Variants in TJAP1 observed in about 807,000 individuals in gnomAD.
TJAP1 encodes the protein tight junction-associated protein 1.
A neutral mutation model predicts 42.0 loss-of-function variants in TJAP1; 27 were observed. That is an observed-to-expected ratio of 0.64 (90% CI 0.47 to 0.89). The LOEUF (loss-of-function observed/expected upper bound fraction) is 0.89. Ranked by LOEUF, TJAP1 falls within the 40% of genes least tolerant of loss-of-function variation. The probability of loss-of-function intolerance (pLI) is 0.00; values close to 1 mark genes in which losing one functional copy is unlikely to be tolerated. For synonymous variants in TJAP1, 257 were observed against 288.4 expected (o/e 0.89, Z 1.10); for missense variants, 712 against 726.9 (o/e 0.98, Z 0.24).
At chr6:43,483,422 C>T (rs1785736816) in intron 2 of TJAP1, among the ~76,000 whole-genome samples, 1 of 152,216 alleles carries the variant, frequency 6.6e-6, no homozygotes, top group Non-Finnish European at 1.5e-5. Context: ...CCCTAAGACC[C>T]AGCTCCTTTG....
chr6:43,503,743 C>T (rs78262217), intron 10 of TJAP1, 37 bp downstream of exon 10: 1 of 1,580,612 alleles, frequency 6.3e-7, no homozygotes, highest in Non-Finnish European at 8.7e-7. Flanking sequence ...CCACATAGAC[C>T]ATTCCGGCCA....
At position 43,501,095 on chromosome 6, in the gene TJAP1, G is replaced by A. The variant is rs1468877482; in HGVS notation, c.128+323G>A. ...CCCTTACAGCCCTTTAGCCACATGA[G>A]GCCTCTGGAGAGGAGGGCAGTGCTG... On this transcript the variant is annotated intron_variant, in intron 5 of 10. Transcript: ENST00000372449. 2.6e-5 allele frequency: 11 copies of A among 430,982 alleles called. No homozygotes were observed. The East Asian group carries it at 3.4e-4, about 13-fold the overall frequency. The allele number at this position is 430,982 out of a possible 1,614,324, so 26.7% of individuals were successfully genotyped here.
At position 43,491,612 on chromosome 6, in the gene TJAP1, A is replaced by G. The variant is rs116405070; in HGVS notation, c.-121-6269A>G. On this transcript the variant is annotated intron_variant, in intron 2 of 10. Coordinates refer to ENST00000372449, the Ensembl canonical transcript of TJAP1. This position sits in a 1 kb window ranked among gnomAD's most constrained non-coding sequence, Gnocchi z 4.6. ...GCCCGATGAGAAATATCTTGATGAA[A>G]ATGCACTACGTCCAATAAATGAATA... 4.8e-3 allele frequency among the ~76,000 whole-genome samples: 738 copies of G among 152,304 alleles called. 5 individuals are homozygous for G. The highest frequency in any genetic ancestry group is 0.016 in the African/African-American group (671 of 41,558).
At chr6:43,490,998 C>G (rs966543942) in intron 2 of TJAP1, among the ~76,000 whole-genome samples, 4 of 152,194 alleles carry the variant, frequency 2.6e-5, no homozygotes, top group African/African-American at 9.7e-5. Context: ...ACAGGTCACT[C>G]TAGATAGACT....
Position 43,491,036 on chromosome 6 carries a change from G to A in TJAP1, c.-121-6845G>A, listed in dbSNP as rs1787695716. ...GGCTTCGGCTTCCGGAGGCAGTGTG[G>A]TGCTAGGGAGGCTGGACAGGGGGAG... On this transcript the variant is annotated intron_variant, in intron 2 of 10. Transcript: ENST00000372449. This position sits in a 1 kb window ranked among gnomAD's most constrained non-coding sequence, Gnocchi z 4.6. Among the ~76,000 whole-genome samples, 1 of 152,202 alleles carries A rather than the reference G, an allele frequency of 6.6e-6. No homozygotes were observed. Among genetic ancestry groups the A allele is most frequent in the Non-Finnish European group, 1.5e-5 (1 of 68,042 alleles).
At chr6:43,489,360 C>T (rs563161017) in intron 2 of TJAP1, among the ~76,000 whole-genome samples, 27 of 152,338 alleles carry the variant, frequency 1.8e-4, no homozygotes, top group Non-Finnish European at 2.8e-4. Flanking sequence ...CCTGGCCAGG[C>T]GGCAGTGTGC....
chr6:43,498,149 T>G (rs898888256), intron 3 of TJAP1, among the ~76,000 whole-genome samples, 172 bp downstream of exon 3: 2 of 152,142 alleles, frequency 1.3e-5, no homozygotes, highest in African/African-American at 2.4e-5. Context: ...GCCTTGAGAC[T>G]CCCACTGGGG....
At chr6:43,486,693 G>T (rs530941584) in intron 2 of TJAP1, among the ~76,000 whole-genome samples, 10 of 152,092 alleles carry the variant, frequency 6.6e-5, no homozygotes, top group African/African-American at 2.2e-4. Flanking sequence ...AGCATCCCTA[G>T]AAAGGTCTTT....
At position 43,505,660 on chromosome 6, in the gene TJAP1, G is replaced by A. The variant is rs145242498; in HGVS notation, c.1479G>A (p.Glu493=). The A allele has an allele frequency of 7.1e-5, 114 of 1,611,568 alleles. No individual in the cohort carries two copies. The highest frequency in any genetic ancestry group is 9.2e-5 in the Non-Finnish European group (108 of 1,178,690). ...AGCTGAACCTGCCTATCAGTCCTGAGGAAGAGCGCCAGAGCCTGCTGCCCA... is the reference window on the plus strand; with the variant it reads ...AGCTGAACCTGCCTATCAGTCCTGAAGAAGAGCGCCAGAGCCTGCTGCCCA... The change falls in exon 11 of 11, where the codon GAG becomes GAA. Residue 493 remains glutamate, a synonymous_variant. Coordinates refer to ENST00000372449, the Ensembl canonical transcript of TJAP1. The surrounding 1 kb of genome is among the most constrained non-coding windows in gnomAD (Gnocchi z 5.5).
rs552573341 is a variant in TJAP1 at position 43,491,373 on chromosome 6, C to T, written c.-121-6508C>T. On this transcript the variant is annotated intron_variant, in intron 2 of 10. Transcript: ENST00000372449. This position sits in a 1 kb window ranked among gnomAD's most constrained non-coding sequence, Gnocchi z 4.6. Reference sequence around the variant, plus strand: ...TGGCACGATCTCGGCTTTCTGCAACCTCCGCCTCCCAGGTTTAAGCGATTC... The same window carrying T: ...TGGCACGATCTCGGCTTTCTGCAACTTCCGCCTCCCAGGTTTAAGCGATTC... Among the ~76,000 whole-genome samples, 1 of 152,268 alleles carries T rather than the reference C, an allele frequency of 6.6e-6. No homozygotes were observed. Among genetic ancestry groups the T allele is most frequent in the South Asian group, 2.1e-4 (1 of 4,812 alleles).
At chr6:43,485,438 C>T (rs911529041) in intron 2 of TJAP1, among the ~76,000 whole-genome samples, 1 of 152,182 alleles carries the variant, frequency 6.6e-6, no homozygotes, top group Non-Finnish European at 1.5e-5. Flanking sequence ...CTAACAAACA[C>T]CAAATGAATT....
At chr6:43,494,464 C>T (rs9462898) in intron 2 of TJAP1, among the ~76,000 whole-genome samples, 2,473 of 152,114 alleles carry the variant, frequency 0.016, 80 homozygotes, top group African/African-American at 0.056. Context: ...CCCCAGGCCA[C>T]GCTAGGTCAG....
rs1221657660 is a variant in TJAP1, at chr6:43,492,887, C to T, written c.-121-4994C>T. 6.6e-6 allele frequency among the ~76,000 whole-genome samples: 1 copy of T among 152,206 alleles called. No individual in the cohort carries two copies. The highest frequency in any genetic ancestry group is 1.5e-5 in the Non-Finnish European group (1 of 68,036). ...ACCCCCACTGGGGCACAGCTTCCCA[C>T]AGGCTTGCAGACTTCAGAGACTCCA... On this transcript the variant is annotated intron_variant, in intron 2 of 10. Transcript: ENST00000372449. This position sits in a 1 kb window ranked among gnomAD's most constrained non-coding sequence, Gnocchi z 4.2.
intron 6 of TJAP1, among the ~76,000 whole-genome samples, chr6:43,502,076 ACTCT>A (rs529451483): frequency 0.013 from 920 of 68,942 alleles, 33 homozygotes; most frequent in African/African-American, 0.033. Flanking sequence ...ACACACACAC[ACTCT>A]CTCTCTCTCT....
intron 4 of TJAP1, 141 bp downstream of exon 4, chr6:43,499,241 A>G (rs1052720175): frequency 7.7e-7 from 1 of 1,303,248 alleles, no homozygotes; most frequent in African/African-American, 1.5e-5. Flanking sequence ...GAGGTCTCCT[A>G]GCCGCAGTAG....
At chr6:43,485,657 A>G (rs1424622368) in intron 2 of TJAP1, among the ~76,000 whole-genome samples, 1 of 152,180 alleles carries the variant, frequency 6.6e-6, no homozygotes, top group African/African-American at 2.4e-5. Context: ...CACTAGGAGT[A>G]AGATCTTCTG....
Position 43,492,584 on chromosome 6 carries a change from G to A in TJAP1, c.-121-5297G>A, listed in dbSNP as rs574442277. The stretch of plus-strand genomic sequence containing the variant: ...TGGTGGCAAGCAGGAGGGGTACCCC[G>A]GAGACGATGTGGGCGAGGCCGAACC... On this transcript the variant is annotated intron_variant, in intron 2 of 10. Coordinates refer to ENST00000372449, the Ensembl canonical transcript of TJAP1. The surrounding 1 kb of genome is among the most constrained non-coding windows in gnomAD (Gnocchi z 4.2). 2.0e-5 allele frequency among the ~76,000 whole-genome samples: 3 copies of A among 152,306 alleles called. No homozygotes were observed. The highest frequency in any genetic ancestry group is 4.1e-4 in the South Asian group (2 of 4,828).
chr6:43,502,084 T>A lies in TJAP1; in HGVS notation c.291-199T>A, dbSNP rs906054246. Among the ~76,000 whole-genome samples the A allele has an allele frequency of 2.1e-3, 275 of 131,944 alleles. 3 individuals are homozygous for A. Among genetic ancestry groups the A allele is most frequent in the South Asian group, 8.8e-3 (36 of 4,108 alleles). 86.6% of individuals were successfully genotyped at this position (131,944 alleles called of 152,430 possible). A position where few individuals can be genotyped will look rare whatever the true frequency, so the allele number is the denominator to read the frequency against. On this transcript the variant is annotated intron_variant, in intron 6 of 10. Transcript: ENST00000372449. ...CACACACACACACACACACTCTCTC[T>A]CTCTCTCTCTCTCTCTCTCTCTCTC...
At chr6:43,487,196 A>G (rs1002999552) in intron 2 of TJAP1, among the ~76,000 whole-genome samples, 1 of 152,074 alleles carries the variant, frequency 6.6e-6, no homozygotes, top group Admixed American at 6.5e-5. Flanking sequence ...TCTTTGTGAG[A>G]AGCTTCTGTG....
Sources: gnomAD v4.1 joint callset for allele counts (sites outside exome capture counted in the v4.1 genomes callset) on GRCh38, gnomAD v4.1.1 for gene constraint, Gnocchi (gnomAD v3.1) non-coding constraint, MANE v1.5 for transcripts, NCBI Gene and HGNC (gene_info 2026-07-23, HGNC 2026-07-21) for gene names.